Variants in LMNTD1 observed in about 807,000 individuals in gnomAD.
LMNTD1 encodes the protein lamin tail domain-containing protein 1.
In LMNTD1, 35 loss-of-function variants were observed where a neutral mutation model predicts 50.9. The ratio of observed to expected loss-of-function variants is 0.69; its 90% CI spans 0.53 to 0.91. LMNTD1 has a LOEUF of 0.91. LMNTD1 is among the 40% of genes least tolerant of loss of function. The pLI is 0.00. For synonymous variants in LMNTD1, 153 were observed against 161.9 expected (o/e 0.94, Z 0.42); for missense variants, 470 against 475.5 (o/e 0.99, Z 0.11).
intron 1 of LMNTD1, among the ~76,000 whole-genome samples, chr12:25,602,133 AG>A (rs1198436804): frequency 6.6e-6 from 1 of 151,920 alleles, no homozygotes; most frequent in Non-Finnish European, 1.5e-5. Flanking sequence ...ACCAGAAAGA[AG>A]GGGTACTGAC....
chr12:25,520,105 A>G lies in LMNTD1; in HGVS notation c.799-30T>C, dbSNP rs201211701. 1,017 of 1,411,676 alleles carry G rather than the reference A, an allele frequency of 7.2e-4. 10 individuals are homozygous for G. Among genetic ancestry groups the G allele is most frequent in the Non-Finnish European group, 1.3e-4 (136 of 1,017,354 alleles). The allele number at this position is 1,411,676 out of a possible 1,614,324, so 87.4% of individuals were successfully genotyped here. Reference sequence around the variant, plus strand: ...TGAAAATGATTTATTAATGTTGGCTATGTATATTTGAGGTTTACAACATGC... The same window carrying G: ...TGAAAATGATTTATTAATGTTGGCTGTGTATATTTGAGGTTTACAACATGC... On this transcript the variant is annotated intron_variant, in intron 6 of 9. Transcript: ENST00000458174.
At chr12:25,589,423 A>T in intron 1 of LMNTD1, among the ~76,000 whole-genome samples, 1 of 152,224 alleles carries the variant, frequency 6.6e-6, no homozygotes, top group East Asian at 1.9e-4. Flanking sequence ...TGATAAATAG[A>T]AAATTCAGGA....
upstream of LMNTD1, among the ~76,000 whole-genome samples, chr12:25,554,717 G>A (rs829046): frequency 0.67 from 101,874 of 152,010 alleles, 34,497 homozygotes; most frequent in Admixed American, 0.73. Context: ...TTAGTAAATA[G>A]TGTTCCCACA....
intron 8 of LMNTD1, among the ~76,000 whole-genome samples, chr12:25,510,058 T>G (rs1293768843): frequency 2.0e-5 from 3 of 152,210 alleles, no homozygotes; most frequent in Non-Finnish European, 4.4e-5. Flanking sequence ...TCTATCTAAA[T>G]TTAAAACCCT....
chr12:25,548,688 C>G (rs113736846), intron 3 of LMNTD1, among the ~76,000 whole-genome samples: 1,632 of 151,902 alleles, frequency 0.011, 38 homozygotes, highest in African/African-American at 0.038. Context: ...TTCAGTAAAC[C>G]ACGGAAACAC....
At chr12:25,527,531 T>C (rs1941821285) in intron 4 of LMNTD1, among the ~76,000 whole-genome samples, 1 of 150,434 alleles carries the variant, frequency 6.6e-6, no homozygotes, top group South Asian at 2.1e-4. Flanking sequence ...CACAACTTAT[T>C]AGTGGGTCAA....
chr12:25,553,288 G>T (rs1323679402), upstream of LMNTD1: 4 of 1,428,340 alleles, frequency 2.8e-6, no homozygotes, highest in African/African-American at 2.9e-5. Flanking sequence ...GACTACAGTT[G>T]TTGCTTCTGG....
intron 1 of LMNTD1, among the ~76,000 whole-genome samples, chr12:25,615,637 T>G (rs1009423066): frequency 2.0e-5 from 3 of 151,978 alleles, no homozygotes; most frequent in African/African-American, 7.2e-5. Context: ...ATTTTTCTAT[T>G]TTTGGTAGAG....
intron 9 of LMNTD1, among the ~76,000 whole-genome samples, chr12:25,496,921 C>G (rs565231072): frequency 6.6e-6 from 1 of 152,098 alleles, no homozygotes; most frequent in African/African-American, 2.4e-5. Flanking sequence ...CTTTCCATCT[C>G]TATACATTTT....
At chr12:25,527,069 T>C (rs1306159366) in intron 4 of LMNTD1, 114 bp from the exon 5 acceptor site, 4 of 665,096 alleles carry the variant, frequency 6.0e-6, no homozygotes, top group Non-Finnish European at 7.3e-6. Flanking sequence ...GTATATTCTA[T>C]TGGGCAAGTT....
chr12:25,544,321 CCTT>C (rs1468946678), intron 4 of LMNTD1, among the ~76,000 whole-genome samples: 8 of 151,040 alleles, frequency 5.3e-5, no homozygotes, highest in African/African-American at 1.9e-4. Context: ...TATATAGTGA[CCTT>C]CTTTGTCTCT....
intron 9 of LMNTD1, among the ~76,000 whole-genome samples, chr12:25,487,102 T>G (rs1274816112): frequency 6.7e-6 from 1 of 149,356 alleles, no homozygotes; most frequent in Non-Finnish European, 1.5e-5. Context: ...GAAAAAAATG[T>G]ACATTCTGTT....
intron 1 of LMNTD1, among the ~76,000 whole-genome samples, chr12:25,578,246 A>T (rs1945118114): frequency 6.6e-6 from 1 of 152,192 alleles, no homozygotes; most frequent in African/African-American, 2.4e-5. Flanking sequence ...CCTAAATATG[A>T]GTTTAAATGA....
intron 6 of LMNTD1, among the ~76,000 whole-genome samples, chr12:25,520,715 C>T (rs1010737477): frequency 5.9e-5 from 9 of 152,074 alleles, no homozygotes; most frequent in African/African-American, 2.2e-4. Context: ...TGGGTATGTA[C>T]CCAGAAGAGG....
At chr12:25,568,303 G>A (rs1194389822) in intron 1 of LMNTD1, among the ~76,000 whole-genome samples, 2 of 152,176 alleles carry the variant, frequency 1.3e-5, no homozygotes, top group African/African-American at 2.4e-5. Context: ...ATGTTGCCTG[G>A]CTGCTTCTAA....
intron 6 of LMNTD1, among the ~76,000 whole-genome samples, chr12:25,525,625 A>G (rs1223496735): frequency 3.9e-5 from 6 of 152,106 alleles, no homozygotes; most frequent in Non-Finnish European, 5.9e-5. Context: ...TGACATTGGG[A>G]AGAGAATGCT....
At chr12:25,481,775 A>G (rs755016214) in intron 9 of LMNTD1, among the ~76,000 whole-genome samples, 1 of 150,756 alleles carries the variant, frequency 6.6e-6, no homozygotes, top group African/African-American at 2.5e-5. Context: ...CTGTAGAGAG[A>G]TTCTCGAGCA....
At chr12:25,481,414 C>G (rs1354312504) in intron 9 of LMNTD1, among the ~76,000 whole-genome samples, 2 of 152,020 alleles carry the variant, frequency 1.3e-5, no homozygotes, top group Admixed American at 6.5e-5. Flanking sequence ...ACATAGCAGG[C>G]AAGTCATTCT....
chr12:25,631,031 T>C (rs961090759), intron 1 of LMNTD1, among the ~76,000 whole-genome samples: 1 of 152,124 alleles, frequency 6.6e-6, no homozygotes, highest in African/African-American at 2.4e-5. Flanking sequence ...GACTGCCGGC[T>C]TTCTCCCACT....
Sources: gnomAD v4.1 joint callset for allele counts (sites outside exome capture counted in the v4.1 genomes callset) on GRCh38, gnomAD v4.1.1 for gene constraint, MANE v1.5 for transcripts, NCBI Gene and HGNC (gene_info 2026-07-23, HGNC 2026-07-21) for gene names.